SOS2: variants seen among roughly 807,000 people sequenced by gnomAD.
SOS2 encodes the protein SOS Ras/Rho guanine nucleotide exchange factor 2.
In SOS2, 65 loss-of-function variants were observed where a neutral mutation model predicts 148.2. That is an observed-to-expected ratio of 0.44 (90% confidence interval 0.36 to 0.54). The LOEUF (loss-of-function observed/expected upper bound fraction) is 0.54, where lower values mean the gene tolerates loss of function less well. SOS2 is among the 20% of genes least tolerant of loss of function. The pLI, the probability that SOS2 is intolerant of heterozygous loss-of-function variation, is 0.00. For synonymous variants in SOS2, 539 were observed against 537.1 expected (o/e 1.00, Z -0.05); for missense variants, 1,341 against 1,590.2 (o/e 0.84, Z 2.67).
intron 8 of SOS2, among the ~76,000 whole-genome samples, chr14:50,164,141 C>T (rs1024706178): frequency 6.6e-6 from 1 of 152,036 alleles, no homozygotes; most frequent in African/African-American, 2.4e-5. Context: ...TTCCAAACAT[C>T]TTACACAGAA....
chr14:50,222,368 T>A (rs2139858652), intron 1 of SOS2, among the ~76,000 whole-genome samples: 1 of 152,320 alleles, frequency 6.6e-6, no homozygotes, highest in South Asian at 2.1e-4. Flanking sequence ...GAATACATGT[T>A]AGCCTGGCAT....
At chr14:50,147,556 T>C (rs1435669569) in intron 14 of SOS2, among the ~76,000 whole-genome samples, 1 of 151,120 alleles carries the variant, frequency 6.6e-6, no homozygotes, top group Admixed American at 6.6e-5. Context: ...ATGCTATACG[T>C]TGTTTATGAA....
rs149623137 is a variant in SOS2, at chr14:50,158,632, G to A, written c.1867C>T (p.Arg623Cys). The change falls in exon 11 of 23, where the codon CGT becomes TGT. Residue 623 changes from arginine (R) to cysteine (C), a missense_variant. Physicochemically the swap from Arg to Cys is radical, Grantham distance 180. Around this residue, in one of 4 missense-constraint regions of SOS2, gnomAD observed 408 missense variants for 506.6 expected, o/e 0.81. Transcript: ENST00000216373. ...YHMYADPNFV[R>C]TFLTTYRSFC... ...GAACGATATGTGGTAAGAAAAGTAC[G>A]AACAAAATTGGGATCTGAAAAGGCA... 1.2e-5 allele frequency: 19 copies of A among 1,603,800 alleles called. No homozygotes were observed. The highest frequency in any genetic ancestry group is 3.3e-5 in the South Asian group (3 of 89,950).
chr14:50,121,126 A>G (rs146432703), intron 21 of SOS2, among the ~76,000 whole-genome samples: 2 of 152,302 alleles, frequency 1.3e-5, no homozygotes, highest in African/African-American at 2.4e-5. Flanking sequence ...AGGTAGTGTT[A>G]TATCACATAA....
At chr14:50,186,377 C>T (rs1332293930) in intron 5 of SOS2, among the ~76,000 whole-genome samples, 2 of 152,028 alleles carry the variant, frequency 1.3e-5, no homozygotes, top group Non-Finnish European at 2.9e-5. Context: ...ATATTAGCTG[C>T]CAGCATTTAT....
intron 1 of SOS2, among the ~76,000 whole-genome samples, chr14:50,222,944 A>G (rs1429905849): frequency 1.3e-5 from 2 of 152,248 alleles, no homozygotes; most frequent in Non-Finnish European, 2.9e-5. Flanking sequence ...GACCAGTTGA[A>G]AAGATATTTC....
chr14:50,120,434 C>G (rs1489325675), intron 21 of SOS2, 50 bp from the exon 22 acceptor site: 1 of 854,882 alleles, frequency 1.2e-6, no homozygotes, highest in Non-Finnish European at 1.9e-6. Context: ...ATAAGATAAA[C>G]CTTTATCACA....
At chr14:50,231,867 A>G (rs922735460), upstream of SOS2, among the ~76,000 whole-genome samples, 1 of 152,084 alleles carries the variant, frequency 6.6e-6, no homozygotes, top group African/African-American at 2.4e-5. Flanking sequence ...CTGCCCCTTT[A>G]GCAGCAGCGC....
chr14:50,157,446 T>C (rs1884855767), intron 11 of SOS2, among the ~76,000 whole-genome samples: 1 of 152,284 alleles, frequency 6.6e-6, no homozygotes, highest in Middle Eastern at 3.4e-3. Flanking sequence ...TTAATATTTA[T>C]ATTATTAAAA....
intron 21 of SOS2, among the ~76,000 whole-genome samples, chr14:50,123,380 CTTT>C (rs34222143): frequency 8.4e-6 from 1 of 118,494 alleles, no homozygotes; most frequent in Non-Finnish European, 1.7e-5. Context: ...CACCAGAGGG[CTTT>C]TTTTTTTTTT....
chr14:50,196,421 A>C (rs1248346402), intron 4 of SOS2, among the ~76,000 whole-genome samples: 1 of 152,162 alleles, frequency 6.6e-6, no homozygotes, highest in Admixed American at 6.5e-5. Context: ...TTGTGTTACA[A>C]ACAATCCAAT....
chr14:50,224,383 T>C (rs1245854804), intron 1 of SOS2, among the ~76,000 whole-genome samples: 1 of 145,680 alleles, frequency 6.9e-6, no homozygotes, highest in East Asian at 2.0e-4. Flanking sequence ...AAATGGGCTC[T>C]GGGGAGGTCA....
At chr14:50,231,008 C>T in intron 1 of SOS2, 189 bp downstream of exon 1, 1 of 727,930 alleles carries the variant, frequency 1.4e-6, no homozygotes, top group Non-Finnish European at 1.8e-6. Flanking sequence ...CTTCCGGGAC[C>T]AGGCAAAAAA....
chr14:50,180,358 G>C (rs1885691663), intron 7 of SOS2, among the ~76,000 whole-genome samples: 1 of 146,102 alleles, frequency 6.8e-6, no homozygotes, highest in African/African-American at 2.6e-5. Flanking sequence ...TGGTCATTCA[G>C]TACTCATGAT....
Position 50,212,376 on chromosome 14 carries a change from A to G in SOS2, c.88-7967T>C, listed in dbSNP as rs548548288. On this transcript the variant is annotated intron_variant, in intron 1 of 22. Transcript: ENST00000216373. ...GTAGTCCCAGCTACTCGGGAGGCTGAGGCAGGAGAATCGCTTGAACCCAGG... is the reference window on the plus strand; with the variant it reads ...GTAGTCCCAGCTACTCGGGAGGCTGGGGCAGGAGAATCGCTTGAACCCAGG... Among the ~76,000 whole-genome samples the G allele has an allele frequency of 4.0e-5, 6 of 151,156 alleles. No individual in the cohort carries two copies. The East Asian group carries it at 1.2e-3, about 29-fold the overall frequency.
At chr14:50,211,143 C>A (rs1261259662) in intron 1 of SOS2, among the ~76,000 whole-genome samples, 1 of 152,038 alleles carries the variant, frequency 6.6e-6, no homozygotes. Context: ...AATGTAGCTC[C>A]ACTGAGTTGA....
intron 16 of SOS2, 141 bp from the exon 17 acceptor site, chr14:50,140,200 T>C: frequency 3.8e-6 from 2 of 526,972 alleles, no homozygotes; most frequent in Non-Finnish European, 6.8e-6. Context: ...TATTCCTTTG[T>C]ACACTTACCT....
At chr14:50,204,884 T>G (rs1886609277) in intron 1 of SOS2, among the ~76,000 whole-genome samples, 1 of 51,830 alleles carries the variant, frequency 1.9e-5, no homozygotes, top group Non-Finnish European at 3.9e-5. Flanking sequence ...CACCCCACCT[T>G]TTTTTCTTTT....
intron 21 of SOS2, among the ~76,000 whole-genome samples, chr14:50,128,723 AAGTG>A (rs1851418692): frequency 6.6e-6 from 1 of 152,184 alleles, no homozygotes; most frequent in African/African-American, 2.4e-5. Context: ...ATTTCATTTT[AAGTG>A]TCTTAGCACT....
Sources: allele counts gnomAD v4.1 joint callset (sites outside exome capture counted in the v4.1 genomes callset), GRCh38; gene constraint gnomAD v4.1.1; regional missense constraint gnomAD v4.1.1; transcripts MANE v1.5; gene names NCBI Gene and HGNC (gene_info 2026-07-23, HGNC 2026-07-21).